The following MEGF10 variants were observed in gnomAD, a reference collection of about 807,000 sequenced individuals.
MEGF10 encodes the protein multiple epidermal growth factor-like domains protein 10.
Under a neutral mutation model 147.5 loss-of-function variants are expected in MEGF10, and 86 were observed. That is an observed-to-expected ratio of 0.58 (90% CI 0.49 to 0.70). The LOEUF is 0.70. MEGF10 is among the 30% of genes least tolerant of loss of function. MEGF10 has a pLI of 0.00. For missense variants in MEGF10, 1,329 were observed against 1,487.3 expected (o/e 0.89, Z 1.75); for synonymous variants, 478 against 525.5 (o/e 0.91, Z 1.24).
chr5:127,457,523 A>T lies in MEGF10; in HGVS notation c.*205A>T. Reference sequence around the variant, plus strand: ...TGGATTCGAAGGAGTTAGAGATGTGATTTCCCATTGCTGTTAGTTTTAGAA... The same window carrying T: ...TGGATTCGAAGGAGTTAGAGATGTGTTTTCCCATTGCTGTTAGTTTTAGAA... On this transcript the variant is annotated 3_prime_UTR_variant, in exon 25 of 25. Transcript: ENST00000503335. 1 of 569,110 alleles carries T rather than the reference A, an allele frequency of 1.8e-6. No homozygotes were observed. The highest frequency in any genetic ancestry group is 3.1e-6 in the Non-Finnish European group (1 of 326,192). The allele number at this position is 569,110 out of a possible 1,614,324, so 35.3% of individuals were successfully genotyped here.
chr5:127,398,411 T>C (rs1764003580), intron 6 of MEGF10, among the ~76,000 whole-genome samples: 1 of 152,202 alleles, frequency 6.6e-6, no homozygotes, highest in Non-Finnish European at 1.5e-5. Flanking sequence ...TTGGCCAGTT[T>C]TCTTCCTCAG....
intron 1 of MEGF10, among the ~76,000 whole-genome samples, chr5:127,306,138 C>G (rs2126724615): frequency 6.6e-6 from 1 of 152,276 alleles, no homozygotes; most frequent in African/African-American, 2.4e-5. Flanking sequence ...TTTTTCATTT[C>G]TTGGCCAGGT....
intron 1 of MEGF10, among the ~76,000 whole-genome samples, chr5:127,327,968 C>G (rs2126777169): frequency 6.6e-6 from 1 of 152,266 alleles, no homozygotes; most frequent in African/African-American, 2.4e-5. Flanking sequence ...CCACCCGCCT[C>G]TGCCTCCCAA....
chr5:127,380,122 TG>T (rs1353930694), intron 5 of MEGF10, among the ~76,000 whole-genome samples: 14 of 151,384 alleles, frequency 9.2e-5, no homozygotes, highest in Non-Finnish European at 1.8e-4. Flanking sequence ...CATGAAAACA[TG>T]GGTTTTTGTC....
At chr5:127,268,659 G>A in the MEGF10 span, among the ~76,000 whole-genome samples, 3 of 152,200 alleles carry the variant, frequency 2.0e-5, no homozygotes, top group Admixed American at 1.3e-4. Flanking sequence ...CCCACCTCTG[G>A]GGGTAGGGCA....
intron 5 of MEGF10, among the ~76,000 whole-genome samples, chr5:127,392,560 A>G (rs1176487253): frequency 6.6e-6 from 1 of 152,194 alleles, no homozygotes; most frequent in East Asian, 1.9e-4. Context: ...CTGTCATTAA[A>G]TGGAAAGCCG....
At chr5:127,293,870 TAA>T (rs1759375291) in intron 1 of MEGF10, among the ~76,000 whole-genome samples, 1 of 152,224 alleles carries the variant, frequency 6.6e-6, no homozygotes, top group Non-Finnish European at 1.5e-5. Context: ...GCTTACAGCA[TAA>T]AGTCTCACCT....
the MEGF10 span, among the ~76,000 whole-genome samples, chr5:127,280,672 G>T: frequency 6.6e-6 from 1 of 150,748 alleles, no homozygotes; most frequent in Non-Finnish European, 1.5e-5. Flanking sequence ...GAGGGCACGT[G>T]AGACTGAAAT....
chr5:127,378,426 C>A (rs969700202), intron 5 of MEGF10, among the ~76,000 whole-genome samples: 4 of 152,140 alleles, frequency 2.6e-5, no homozygotes, highest in Non-Finnish European at 5.9e-5. Flanking sequence ...GACATCTCTT[C>A]CTGTCTCACA....
intron 1 of MEGF10, among the ~76,000 whole-genome samples, chr5:127,321,394 A>T (rs1395660529): frequency 6.6e-6 from 1 of 151,922 alleles, no homozygotes; most frequent in African/African-American, 2.4e-5. Flanking sequence ...TGTTAGAGGA[A>T]TGCTCAGGGT....
At chr5:127,294,892 C>T (rs1759431646) in intron 1 of MEGF10, among the ~76,000 whole-genome samples, 1 of 151,482 alleles carries the variant, frequency 6.6e-6, no homozygotes, top group African/African-American at 2.4e-5. Flanking sequence ...ACTTATGAAA[C>T]ACCAAATGCC....
chr5:127,287,227 C>T (rs902498480), upstream of MEGF10, among the ~76,000 whole-genome samples: 2 of 151,908 alleles, frequency 1.3e-5, no homozygotes, highest in Non-Finnish European at 2.9e-5. Flanking sequence ...TGATGAGCAA[C>T]AAGGATGGGA....
chr5:127,320,111 C>A (rs777442381), intron 1 of MEGF10, among the ~76,000 whole-genome samples: 1 of 152,188 alleles, frequency 6.6e-6, no homozygotes, highest in Non-Finnish European at 1.5e-5. Flanking sequence ...GAAAATATCA[C>A]TCTCATTATA....
chr5:127,442,851 G>A, intron 18 of MEGF10, 147 bp from the exon 19 acceptor site: 1 of 747,306 alleles, frequency 1.3e-6, no homozygotes, highest in Middle Eastern at 3.9e-4. Flanking sequence ...ATGCTGTCCA[G>A]TTCTGGGACA....
At chr5:127,430,575 C>G (rs1005226636) in intron 13 of MEGF10, among the ~76,000 whole-genome samples, 10 of 152,148 alleles carry the variant, frequency 6.6e-5, no homozygotes, top group African/African-American at 1.2e-4. Flanking sequence ...AATGCATGCT[C>G]TCTTAGAATA....
chr5:127,375,853 T>A (rs955268667), intron 5 of MEGF10, among the ~76,000 whole-genome samples: 2 of 152,232 alleles, frequency 1.3e-5, no homozygotes, highest in Non-Finnish European at 2.9e-5. Context: ...TTCTATATGA[T>A]TCTGAGAAGG....
intron 13 of MEGF10, among the ~76,000 whole-genome samples, chr5:127,428,141 ATTTTTTTT>A (rs66935934): frequency 6.0e-4 from 62 of 103,568 alleles, no homozygotes; most frequent in African/African-American, 1.8e-3. Context: ...GGTGTCTGGT[ATTTTTTTT>A]TTTTTTTTTT....
chr5:127,291,871 G>A (rs1759273275), intron 1 of MEGF10, among the ~76,000 whole-genome samples: 1 of 152,126 alleles, frequency 6.6e-6, no homozygotes, highest in Non-Finnish European at 1.5e-5. Context: ...CCTCACGCAA[G>A]GACCCACATT....
At position 127,389,865 on chromosome 5, in the gene MEGF10, C is replaced by T. The variant is rs1187098063; in HGVS notation, c.413-6667C>T. Among the ~76,000 whole-genome samples, 3 of 152,074 alleles carry T rather than the reference C, an allele frequency of 2.0e-5. No individual in the cohort carries two copies. In the East Asian group the frequency reaches 5.8e-4, roughly 29 times the overall value. On this transcript the variant is annotated intron_variant, in intron 5 of 24. Coordinates refer to ENST00000503335, the MANE Select transcript of MEGF10 (RefSeq NM_001256545.2). ...GTGATGAAATAATCTGTATGACAAA[C>T]CCCCATGACATGAGTTTACCTTCAT...
Sources: allele counts gnomAD v4.1 joint callset (sites outside exome capture counted in the v4.1 genomes callset), GRCh38; gene constraint gnomAD v4.1.1; transcripts MANE v1.5; gene names NCBI Gene and HGNC (gene_info 2026-07-23, HGNC 2026-07-21).